Variants in L3MBTL4 observed in about 807,000 individuals in gnomAD.
The protein encoded by L3MBTL4 is L3MBTL histone methyl-lysine binding protein 4.
A neutral mutation model predicts 84.5 loss-of-function variants in L3MBTL4; 70 were observed. The observed-to-expected ratio is 0.83, with a 90% confidence interval of 0.68 to 1.01. The LOEUF (loss-of-function observed/expected upper bound fraction) is 1.01, where lower values mean the gene tolerates loss of function less well. L3MBTL4 is among the 50% of genes least tolerant of loss of function. L3MBTL4 has a pLI of 0.00. For missense variants in L3MBTL4, 715 were observed against 754.8 expected (o/e 0.95, Z 0.62); for synonymous variants, 274 against 259.8 (o/e 1.05, Z -0.52).
intron 1 of L3MBTL4, among the ~76,000 whole-genome samples, chr18:6,355,371 C>T (rs1013451943): frequency 6.6e-6 from 1 of 152,018 alleles, no homozygotes; most frequent in South Asian, 2.1e-4. Flanking sequence ...TAAATTAACT[C>T]TTTATTCACC....
intron 17 of L3MBTL4, among the ~76,000 whole-genome samples, chr18:5,961,689 G>A (rs2095264061): frequency 6.6e-6 from 1 of 152,166 alleles, no homozygotes; most frequent in East Asian, 1.9e-4. Flanking sequence ...GCTGGCCCGG[G>A]CTCTTAGTAT....
intron 12 of L3MBTL4, among the ~76,000 whole-genome samples, chr18:6,211,782 G>A (rs1480344820): frequency 6.6e-6 from 1 of 151,844 alleles, no homozygotes; most frequent in Non-Finnish European, 1.5e-5. Flanking sequence ...CCAAGTAGCT[G>A]GGATTACAGG....
intron 16 of L3MBTL4, among the ~76,000 whole-genome samples, chr18:6,021,280 C>T (rs1255482045): frequency 1.3e-5 from 2 of 152,230 alleles, no homozygotes; most frequent in Non-Finnish European, 2.9e-5. Flanking sequence ...AAAGGAATAT[C>T]TTGAACCCAA....
chr18:6,233,175 T>A (rs541070955), intron 10 of L3MBTL4, among the ~76,000 whole-genome samples: 1 of 151,884 alleles, frequency 6.6e-6, no homozygotes, highest in African/African-American at 2.4e-5. Context: ...TACCTAAAAA[T>A]AATAAGAGCT....
intron 3 of L3MBTL4, 135 bp downstream of exon 3, chr18:6,311,419 A>T: frequency 1.5e-6 from 1 of 683,240 alleles, no homozygotes; most frequent in Non-Finnish European, 2.7e-6. Flanking sequence ...CCTACACATA[A>T]AGCTCAAGCA....
intron 14 of L3MBTL4, among the ~76,000 whole-genome samples, chr18:6,098,533 A>G (rs1373835361): frequency 6.6e-6 from 1 of 152,252 alleles, no homozygotes; most frequent in African/African-American, 2.4e-5. Context: ...AGAAGTCAGC[A>G]GTATTTCGGG....
chr18:6,044,351 G>A (rs1169641499), intron 16 of L3MBTL4, among the ~76,000 whole-genome samples: 1 of 152,192 alleles, frequency 6.6e-6, no homozygotes, highest in African/African-American at 2.4e-5. Context: ...TTTCATTTGA[G>A]TCTGTGTTCA....
chr18:6,391,350 A>G (rs2055042242), intron 1 of L3MBTL4, among the ~76,000 whole-genome samples: 2 of 152,320 alleles, frequency 1.3e-5, no homozygotes, highest in South Asian at 2.1e-4. Context: ...AATAAAAGCC[A>G]TATATGGAAA....
At chr18:6,394,351 C>T (rs188055301) in intron 1 of L3MBTL4, among the ~76,000 whole-genome samples, 121 of 152,012 alleles carry the variant, frequency 8.0e-4, no homozygotes, top group Non-Finnish European at 1.4e-3. Flanking sequence ...ACCTGTAATC[C>T]CAGCTACATA....
intron 5 of L3MBTL4, among the ~76,000 whole-genome samples, chr18:6,246,988 C>T (rs2047691507): frequency 6.6e-6 from 1 of 152,012 alleles, no homozygotes; most frequent in Non-Finnish European, 1.5e-5. Context: ...TAGACTTTGC[C>T]TAGATTCACT....
At chr18:6,071,744 G>GA (rs2057628813) in intron 16 of L3MBTL4, among the ~76,000 whole-genome samples, 12 of 40,098 alleles carry the variant, frequency 3.0e-4, no homozygotes, top group African/African-American at 7.9e-4. Flanking sequence ...AAAGAAGGAA[G>GA]GAAAGAAAGA....
intron 12 of L3MBTL4, among the ~76,000 whole-genome samples, chr18:6,211,937 C>T (rs928034843): frequency 2.6e-5 from 4 of 152,218 alleles, no homozygotes; most frequent in Non-Finnish European, 5.9e-5. Context: ...GCGTGAACCA[C>T]TGTGCCCGGC....
intron 1 of L3MBTL4, among the ~76,000 whole-genome samples, chr18:6,379,407 G>A (rs1233263579): frequency 6.6e-6 from 1 of 152,150 alleles, no homozygotes; most frequent in Non-Finnish European, 1.5e-5. Flanking sequence ...GTTTTCAAAG[G>A]AAATGTTCCA....
intron 14 of L3MBTL4, among the ~76,000 whole-genome samples, chr18:6,112,971 C>T (rs1475154701): frequency 1.3e-5 from 2 of 152,018 alleles, no homozygotes; most frequent in Non-Finnish European, 2.9e-5. Context: ...TCTATAGTGT[C>T]CGGGAATGCA....
intron 5 of L3MBTL4, among the ~76,000 whole-genome samples, chr18:6,248,179 G>A (rs113977560): frequency 0.043 from 6,536 of 152,138 alleles, 457 homozygotes; most frequent in African/African-American, 0.15. Flanking sequence ...GAGCAAAGTC[G>A]ACACATTTAC....
At chr18:6,364,586 AT>A (rs1239095478) in intron 1 of L3MBTL4, among the ~76,000 whole-genome samples, 3 of 152,032 alleles carry the variant, frequency 2.0e-5, no homozygotes, top group African/African-American at 7.2e-5. Flanking sequence ...CTTTTTACAC[AT>A]TTTTTCATCA....
At chr18:6,188,140 C>T (rs2044873069) in intron 12 of L3MBTL4, among the ~76,000 whole-genome samples, 1 of 151,978 alleles carries the variant, frequency 6.6e-6, no homozygotes, top group Admixed American at 6.6e-5. Context: ...ATCCTGGGGT[C>T]TGGAATCTGA....
At chr18:6,216,153 C>T (rs1453421030) in intron 10 of L3MBTL4, among the ~76,000 whole-genome samples, 2 of 152,130 alleles carry the variant, frequency 1.3e-5, no homozygotes, top group African/African-American at 4.8e-5. Context: ...CAAGCTCCAA[C>T]AGAAGGCTCC....
intron 14 of L3MBTL4, among the ~76,000 whole-genome samples, chr18:6,107,536 C>T (rs767313379): frequency 2.6e-5 from 4 of 151,914 alleles, no homozygotes; most frequent in Non-Finnish European, 5.9e-5. Context: ...ACACACTCTA[C>T]AAAAATAGTG....
Sources: allele counts gnomAD v4.1 joint callset (sites outside exome capture counted in the v4.1 genomes callset), GRCh38; gene constraint gnomAD v4.1.1; transcripts MANE v1.5; gene names NCBI Gene and HGNC (gene_info 2026-07-23, HGNC 2026-07-21).